MMP14: variants seen among roughly 807,000 people sequenced by gnomAD.
MMP14 encodes matrix metalloproteinase-14.
In MMP14, 13 loss-of-function variants were observed where a neutral mutation model predicts 64.8. That is an observed-to-expected ratio of 0.20 (90% CI 0.13 to 0.32). MMP14 has a LOEUF of 0.32. Ranked by LOEUF, MMP14 falls within the 10% of genes least tolerant of loss-of-function variation. MMP14 has a pLI of 1.00. For synonymous variants in MMP14, 322 were observed against 315.9 expected (o/e 1.02, Z -0.20); for missense variants, 594 against 783.8 (o/e 0.76, Z 2.89).
rs1483916714 is a variant in MMP14 at position 22,843,707 on chromosome 14, C to A, written c.851-3C>A. 3 of 1,588,944 alleles carry A rather than the reference C, an allele frequency of 1.9e-6. No homozygotes were observed. The highest frequency in any genetic ancestry group is 2.6e-6 in the Non-Finnish European group (3 of 1,172,718). On this transcript the variant is annotated splice_region_variant and splice_polypyrimidine_tract_variant and intron_variant, in intron 5 of 9. Transcript: ENST00000311852. This position sits in a 1 kb window ranked among gnomAD's most constrained non-coding sequence, Gnocchi z 4.8. ...GAAATGCCCCTCGTGTTTTCTGCCC[C>A]AGGGGGTGAGTCAGGGTTCCCCACC...
intron 1 of MMP14, among the ~76,000 whole-genome samples, chr14:22,840,234 C>G (rs553539777): frequency 6.6e-6 from 1 of 152,156 alleles, no homozygotes; most frequent in Non-Finnish European, 1.5e-5. Flanking sequence ...CCCAAACTGT[C>G]GGGATTACAG....
At chr14:22,839,680 C>T (rs2039759395) in intron 1 of MMP14, among the ~76,000 whole-genome samples, 1 of 152,172 alleles carries the variant, frequency 6.6e-6, no homozygotes, top group African/African-American at 2.4e-5. Context: ...GAGTCACCCC[C>T]AGTCCCCATG....
Position 22,846,004 on chromosome 14 carries a change from C to A in MMP14, c.1714C>A (p.Leu572Ile), listed in dbSNP as rs1263837276. The change falls in exon 10 of 10, where the codon CTC becomes ATC. Residue 572 changes from leucine to isoleucine, a missense_variant. Leu to Ile is a conservative substitution (Grantham distance 5). Around this residue, in one of 4 missense-constraint regions of MMP14, gnomAD observed 364 missense variants for 425.2 expected, o/e 0.86. Coordinates refer to ENST00000311852, the MANE Select transcript of MMP14 (RefSeq NM_004995.4). ...FRRHGTPRRL[L>I]YCQRSLLDKV is the part of the protein sequence containing the mutation. ...ACGCCATGGGACCCCCAGGCGACTG[C>A]TCTACTGCCAGCGTTCCCTGCTGGA... is the stretch of plus-strand genomic sequence containing the variant. 3.3e-6 allele frequency: 5 copies of A among 1,524,430 alleles called. No homozygotes were observed. Among genetic ancestry groups the A allele is most frequent in the Admixed American group, 2.0e-5 (1 of 48,888 alleles). 94.4% of individuals were successfully genotyped at this position (1,524,430 alleles called of 1,614,324 possible).
intron 1 of MMP14, among the ~76,000 whole-genome samples, chr14:22,837,675 C>A (rs1241960167): frequency 3.9e-5 from 6 of 152,232 alleles, no homozygotes; most frequent in Admixed American, 2.0e-4. Flanking sequence ...AATAGTTTTT[C>A]TGTGTTAATT....
In MMP14 at chr14:22,842,186, G is replaced by C; in HGVS notation, c.380+151G>C. 15 of 1,167,620 alleles carry C rather than the reference G, an allele frequency of 1.3e-5. No individual in the cohort carries two copies. The highest frequency in any genetic ancestry group is 1.8e-5 in the Non-Finnish European group (15 of 821,720). 72.3% of individuals were successfully genotyped at this position (1,167,620 alleles called of 1,614,324 possible). A position where few individuals can be genotyped will look rare whatever the true frequency, so the allele number is the denominator to read the frequency against. On this transcript the variant is annotated intron_variant, in intron 3 of 9. Coordinates refer to ENST00000311852, the MANE Select transcript of MMP14 (RefSeq NM_004995.4). This position sits in a 1 kb window ranked among gnomAD's most constrained non-coding sequence, Gnocchi z 5.3. ...GGGGAGGAAAATGGCTCTCATCCTT[G>C]AGAGAGGTGTAGCCATCAAGGGTGC...
At position 22,844,709 on chromosome 14, in the gene MMP14, G is replaced by T; in HGVS notation, c.1230G>T (p.Leu410=). ...PKHIKELGRG[L]PTDKIDAALF... ...ACATTAAGGAGCTGGGCCGAGGGCT[G>T]CCTACCGACAAGATTGATGCTGCTC... The change falls in exon 8 of 10, where the codon CTG becomes CTT. Residue 410 remains leucine (L), a synonymous_variant. Coordinates refer to ENST00000311852, the MANE Select transcript of MMP14 (RefSeq NM_004995.4). 6.2e-7 allele frequency: 1 copy of T among 1,614,126 alleles called. No individual in the cohort carries two copies. The highest frequency in any genetic ancestry group is 8.5e-7 in the Non-Finnish European group (1 of 1,180,014).
At position 22,847,644 on chromosome 14, in the gene MMP14, G is replaced by T. The variant is rs1054121173; in HGVS notation, c.*1605G>T. 12 of 150,586 alleles carry T rather than the reference G, an allele frequency of 8.0e-5. No homozygotes were observed. Among genetic ancestry groups the T allele is most frequent in the Admixed American group, 4.0e-4 (6 of 15,078 alleles). 9.3% of individuals were successfully genotyped at this position (150,586 alleles called of 1,614,324 possible). A position where few individuals can be genotyped will look rare whatever the true frequency, so the allele number is the denominator to read the frequency against. On this transcript the variant is annotated 3_prime_UTR_variant, in exon 10 of 10. Coordinates refer to ENST00000311852, the MANE Select transcript of MMP14 (RefSeq NM_004995.4). ...AAGGGGCATGGGGAGGGGTGGGGGT[G>T]GGGGGGCAGAGGCGTCTGACCCCAG... is the stretch of plus-strand genomic sequence containing the variant.
intron 2 of MMP14, 30 bp from the exon 3 acceptor site, chr14:22,841,883 T>A: frequency 6.2e-7 from 1 of 1,613,980 alleles, no homozygotes; most frequent in African/African-American, 1.3e-5. Context: ...ACTGCACTGA[T>A]CCCAATCCTC....
Position 22,842,708 on chromosome 14 carries a change from G to A in MMP14, c.679G>A (p.Asp227Asn). The change falls in exon 4 of 10, where the codon GAT (aspartate) becomes AAT (asparagine). Residue 227 changes from aspartate (D) to asparagine (N), a missense_variant. Asp to Asn is a conservative substitution (Grantham distance 23). Coordinates refer to ENST00000311852, the MANE Select transcript of MMP14 (RefSeq NM_004995.4). The surrounding 1 kb of genome is among the most constrained non-coding windows in gnomAD (Gnocchi z 5.3). ...CGAGCCTTGGACTGTCAGGAATGAG[G>A]ATCTGAATGGTGAGCCAAGTATCCC... The part of the protein sequence containing the change: ...SAEPWTVRNE[D>N]LNGNDIFLVA... The A allele has an allele frequency of 6.3e-7, 1 of 1,596,700 alleles. No homozygotes were observed. The highest frequency in any genetic ancestry group is 2.2e-5 in the East Asian group (1 of 44,562).
chr14:22,845,187 G>A (rs1045067705), intron 8 of MMP14, 64 bp from the exon 9 acceptor site: 30 of 1,243,030 alleles, frequency 2.4e-5, no homozygotes, highest in Admixed American at 5.4e-5. Context: ...GATTCGGTCC[G>A]GGTCTTGCGC....
Position 22,846,295 on chromosome 14 carries a change from G to A in MMP14, c.*256G>A. ...CCCTTTCCAGCCTCTGCCCCTCAGG[G>A]GAACCCTGTAGCTTTGTGTCTGTCC... On this transcript the variant is annotated 3_prime_UTR_variant, in exon 10 of 10. Transcript: ENST00000311852. 2 of 503,576 alleles carry A rather than the reference G, an allele frequency of 4.0e-6. No individual in the cohort carries two copies. The highest frequency in any genetic ancestry group is 3.4e-5 in the South Asian group (1 of 29,432). 31.2% of individuals were successfully genotyped at this position (503,576 alleles called of 1,614,324 possible). A position where few individuals can be genotyped will look rare whatever the true frequency, so the allele number is the denominator to read the frequency against.
At position 22,844,771 on chromosome 14, in the gene MMP14, G is replaced by A. The variant is rs3751489; in HGVS notation, c.1292G>A (p.Arg431His). 894 of 1,614,050 alleles carry A rather than the reference G, an allele frequency of 5.5e-4. 6 individuals are homozygous for A. The East Asian group carries it at 0.015, about 27-fold the overall frequency. ...CCCAATGGAAAGACCTACTTCTTCC[G>A]TGGAAACAAGTAAGACCTCAACCCC... ...WMPNGKTYFF[R>H]GNKYYRFNEE... The change falls in exon 8 of 10, where the codon CGT (arginine) becomes CAT (histidine). Residue 431 changes from arginine to histidine, a missense_variant. Arg to His is a conservative substitution (Grantham distance 29). Around this residue, in one of 4 missense-constraint regions of MMP14, gnomAD observed 364 missense variants for 425.2 expected, o/e 0.86. Coordinates refer to ENST00000311852, the MANE Select transcript of MMP14 (RefSeq NM_004995.4).
intron 1 of MMP14, 91 bp downstream of exon 1, chr14:22,837,016 G>GGGCTT (rs1473525595): frequency 1.6e-5 from 16 of 969,758 alleles, no homozygotes; most frequent in Non-Finnish European, 6.4e-6. Flanking sequence ...TCGGAGAGGA[G>GGGCTT]GGCTTTTGGG....
intron 1 of MMP14, among the ~76,000 whole-genome samples, chr14:22,840,187 G>A (rs1380792014): frequency 6.6e-6 from 1 of 151,940 alleles, no homozygotes; most frequent in African/African-American, 2.4e-5. Flanking sequence ...GGCTGGTCTC[G>A]AACTCCTGAC....
Position 22,843,929 on chromosome 14 carries a change from C to T in MMP14, c.1011+59C>T. 2 of 1,576,084 alleles carry T rather than the reference C, an allele frequency of 1.3e-6. No individual in the cohort carries two copies. Among genetic ancestry groups the T allele is most frequent in the Non-Finnish European group, 1.7e-6 (2 of 1,163,870 alleles). On this transcript the variant is annotated intron_variant, in intron 6 of 9. Coordinates refer to ENST00000311852, the MANE Select transcript of MMP14 (RefSeq NM_004995.4). The surrounding 1 kb of genome is among the most constrained non-coding windows in gnomAD (Gnocchi z 4.8). ...GGGCCCTATGGGCTGGGCATGGTGGCTCATGCCTGTAATCCTAGCACTTTG... is the reference window on the plus strand; with the variant it reads ...GGGCCCTATGGGCTGGGCATGGTGGTTCATGCCTGTAATCCTAGCACTTTG...
chr14:22,843,520 C>A lies in MMP14; in HGVS notation c.850+102C>A. On this transcript the variant is annotated intron_variant, in intron 5 of 9. Coordinates refer to ENST00000311852, the MANE Select transcript of MMP14 (RefSeq NM_004995.4). This position sits in a 1 kb window ranked among gnomAD's most constrained non-coding sequence, Gnocchi z 4.8. ...TGCCTTGCAGTCTCCGCACCGCCCC[C>A]TGCCAACCTGCCCCTGCCTCTATCA... is the stretch of plus-strand genomic sequence containing the variant. 6.9e-7 allele frequency: 1 copy of A among 1,442,366 alleles called. No homozygotes were observed. The highest frequency in any genetic ancestry group is 1.3e-5 in the South Asian group (1 of 77,980). The allele number at this position is 1,442,366 out of a possible 1,614,324, so 89.3% of individuals were successfully genotyped here.
At position 22,843,235 on chromosome 14, in the gene MMP14, G is replaced by C. The variant is rs114495590; in HGVS notation, c.689-22G>C. On this transcript the variant is annotated intron_variant, in intron 4 of 9. Coordinates refer to ENST00000311852, the MANE Select transcript of MMP14 (RefSeq NM_004995.4). This position sits in a 1 kb window ranked among gnomAD's most constrained non-coding sequence, Gnocchi z 4.8. ...GAGGGAAGGGACTCAGGCTGCTATC[G>C]TCACTGTCCCCATCCTTCCAGGAAA... 1.0e-5 allele frequency: 16 copies of C among 1,601,416 alleles called. No individual in the cohort carries two copies. The highest frequency in any genetic ancestry group is 1.3e-5 in the African/African-American group (1 of 74,662).
At chr14:22,837,281 C>T (rs1376223063) in intron 1 of MMP14, 1 of 496,454 alleles carries the variant, frequency 2.0e-6, no homozygotes, top group Admixed American at 2.3e-5. Flanking sequence ...TTGGACTCCG[C>T]TCAAACCCCG....
At position 22,839,702 on chromosome 14, in the gene MMP14, C is replaced by A. The variant is rs530214746; in HGVS notation, c.109-1789C>A. On this transcript the variant is annotated intron_variant, in intron 1 of 9. Transcript: ENST00000311852. ...CCCCAGTCCCCATGCAAGACTACTG[C>A]CCCATCACCAGGACCTGAGCCCAGA... Among the ~76,000 whole-genome samples the A allele has an allele frequency of 7.9e-5, 12 of 152,270 alleles. No homozygotes were observed. The South Asian group carries it at 2.1e-3, about 26-fold the overall frequency.
Sources: gnomAD v4.1 joint callset for allele counts (sites outside exome capture counted in the v4.1 genomes callset) on GRCh38, gnomAD v4.1.1 for gene constraint, gnomAD v4.1.1 regional missense constraint, Gnocchi (gnomAD v3.1) non-coding constraint, MANE v1.5 for transcripts, NCBI Gene and HGNC (gene_info 2026-07-23, HGNC 2026-07-21) for gene names.